Variants in SLIT3 observed in about 807,000 individuals in gnomAD.
SLIT3 encodes the protein slit guidance ligand 3.
Under a neutral mutation model 184.0 loss-of-function variants are expected in SLIT3, and 68 were observed. The ratio of observed to expected loss-of-function variants is 0.37; its 90% confidence interval spans 0.30 to 0.45. The LOEUF (loss-of-function observed/expected upper bound fraction) is 0.45, where lower values mean the gene tolerates loss of function less well. Among genes scored for constraint, SLIT3 ranks in the 20% least tolerant of loss-of-function variants. The pLI is 1.00. For synonymous variants in SLIT3, 831 were observed against 828.6 expected (o/e 1.00, Z -0.05); for missense variants, 1,707 against 2,026.0 (o/e 0.84, Z 3.02).
chr5:169,121,586 G>A (rs991110737), intron 4 of SLIT3, among the ~76,000 whole-genome samples: 2 of 152,148 alleles, frequency 1.3e-5, no homozygotes, highest in African/African-American at 2.4e-5. Flanking sequence ...TCTGTATTTA[G>A]TTTTGGAAGC....
chr5:168,929,647 G>A (rs897205234), intron 4 of SLIT3, among the ~76,000 whole-genome samples: 2 of 152,232 alleles, frequency 1.3e-5, no homozygotes, highest in Admixed American at 1.3e-4. Context: ...AGGGATAGCT[G>A]TCTCTGTTGA....
intron 4 of SLIT3, among the ~76,000 whole-genome samples, chr5:169,132,566 T>C (rs947744503): frequency 1.3e-5 from 2 of 152,220 alleles, no homozygotes; most frequent in Admixed American, 6.5e-5. Context: ...GTTTGCAGTT[T>C]CAGTAGATCT....
intron 4 of SLIT3, among the ~76,000 whole-genome samples, chr5:168,976,142 T>C (rs1050639509): frequency 6.6e-6 from 1 of 152,190 alleles, no homozygotes; most frequent in Admixed American, 6.5e-5. Context: ...AGCACTCTTA[T>C]GAGGTAGGTG....
Position 168,664,216 on chromosome 5 carries a change from A to G in SLIT3, c.*2238T>C, listed in dbSNP as rs772588523. ...AGTACTAAATAAATCTGCTATTATA[A>G]TAATGTTTGAAACAGGCTGAGCATA... On this transcript the variant is annotated 3_prime_UTR_variant, in exon 36 of 36. Transcript: ENST00000519560. The G allele has an allele frequency of 1.2e-4, 18 of 152,180 alleles. No individual in the cohort carries two copies. The highest frequency in any genetic ancestry group is 2.2e-4 in the Non-Finnish European group (15 of 68,018). The allele number at this position is 152,180 out of a possible 1,614,324, so 9.4% of individuals were successfully genotyped here. A position where few individuals can be genotyped will look rare whatever the true frequency, so the allele number is the denominator to read the frequency against.
chr5:168,856,557 A>G lies in SLIT3; in HGVS notation c.486-11902T>C, dbSNP rs573211087. Among the ~76,000 whole-genome samples, 84 of 152,090 alleles carry G rather than the reference A, an allele frequency of 5.5e-4. 1 individual carries two copies. Among genetic ancestry groups the G allele is most frequent in the Admixed American group, 3.9e-3 (60 of 15,278 alleles). ...CCCAATCACTCAAGATTCAGGGGGG[A>G]AAATGTCAGTTTAGGCAAAGAGAAT... On this transcript the variant is annotated intron_variant, in intron 5 of 35. Transcript: ENST00000519560.
rs181873943 is a variant in SLIT3, at chr5:168,731,655, C to T, written c.2271-7171G>A. Among the ~76,000 whole-genome samples, 211 of 152,064 alleles carry T rather than the reference C, an allele frequency of 1.4e-3. 1 individual carries two copies. Among genetic ancestry groups the T allele is most frequent in the Non-Finnish European group, 1.6e-3 (107 of 67,894 alleles). On this transcript the variant is annotated intron_variant, in intron 20 of 35. Transcript: ENST00000519560. Reference sequence around the variant, plus strand: ...AGGAATGAAAGGATGCTTCAATATACGCAAATCAATAAATGTGCATCACAT... The same window carrying T: ...AGGAATGAAAGGATGCTTCAATATATGCAAATCAATAAATGTGCATCACAT...
chr5:168,685,278 T>TTA (rs1461234722), intron 31 of SLIT3, among the ~76,000 whole-genome samples: 1 of 152,248 alleles, frequency 6.6e-6, no homozygotes, highest in East Asian at 1.9e-4. Flanking sequence ...CTCGAGGTGA[T>TTA]TCTAAAGTAT....
chr5:169,169,042 G>T (rs543926810), intron 4 of SLIT3, among the ~76,000 whole-genome samples: 1 of 152,140 alleles, frequency 6.6e-6, no homozygotes, highest in Non-Finnish European at 1.5e-5. Flanking sequence ...CAGAGTGGGG[G>T]GGGGATCACC....
intron 20 of SLIT3, among the ~76,000 whole-genome samples, chr5:168,739,844 T>C (rs538071660): frequency 2.0e-5 from 3 of 152,308 alleles, no homozygotes; most frequent in African/African-American, 7.2e-5. Context: ...GATATGAAAA[T>C]TGAGCTGTCT....
intron 31 of SLIT3, among the ~76,000 whole-genome samples, 163 bp downstream of exon 31, chr5:168,685,524 A>T (rs1436768050): frequency 2.0e-5 from 3 of 152,238 alleles, no homozygotes; most frequent in African/African-American, 7.2e-5. Flanking sequence ...GTCAGGAGTT[A>T]TCTATAGAAC....
At chr5:169,143,246 C>T (rs867514090) in intron 4 of SLIT3, among the ~76,000 whole-genome samples, 17 of 152,166 alleles carry the variant, frequency 1.1e-4, no homozygotes, top group African/African-American at 4.1e-4. Context: ...ATTGTTGTTA[C>T]TATTTATTCT....
At chr5:169,271,157 C>T (rs567179371) in intron 1 of SLIT3, among the ~76,000 whole-genome samples, 76 of 152,210 alleles carry the variant, frequency 5.0e-4, no homozygotes, top group Middle Eastern at 6.8e-3. Flanking sequence ...CTCATAGTTT[C>T]GAGGAAAGGC....
Position 168,798,223 on chromosome 5 carries a change from C to CTTT in SLIT3, c.936-2648_936-2646dup, listed in dbSNP as rs747746239. Among the ~76,000 whole-genome samples, 51 of 109,022 alleles carry CTTT rather than the reference C, an allele frequency of 4.7e-4. 1 individual carries two copies. Among genetic ancestry groups the CTTT allele is most frequent in the East Asian group, 1.9e-3 (7 of 3,768 alleles). The allele number at this position is 109,022 out of a possible 152,430, so 71.5% of individuals were successfully genotyped here. On this transcript the variant is annotated intron_variant, in intron 9 of 35. Transcript: ENST00000519560. ...TTGGTTTTCTTTTCTTCTTCTTCTT[C>CTTT]TTTTTTTTTTTTTTTTAAGAGACAG...
At chr5:168,679,319 G>A (rs967623201) in intron 32 of SLIT3, among the ~76,000 whole-genome samples, 10 of 152,142 alleles carry the variant, frequency 6.6e-5, no homozygotes, top group Admixed American at 2.0e-4. Flanking sequence ...TGGCTTCCAA[G>A]AATGCTGGAG....
At chr5:168,822,501 T>C (rs946480840) in intron 7 of SLIT3, among the ~76,000 whole-genome samples, 1 of 152,052 alleles carries the variant, frequency 6.6e-6, no homozygotes, top group Non-Finnish European at 1.5e-5. Context: ...AAGCCAAGTA[T>C]CAAGTCTGAA....
At chr5:169,019,961 T>G (rs1413793803) in intron 4 of SLIT3, among the ~76,000 whole-genome samples, 1 of 152,224 alleles carries the variant, frequency 6.6e-6, no homozygotes, top group Non-Finnish European at 1.5e-5. Context: ...GTGTTTTCCC[T>G]GGGCTACAAC....
At chr5:169,058,818 C>T (rs1758090406) in intron 4 of SLIT3, among the ~76,000 whole-genome samples, 1 of 152,176 alleles carries the variant, frequency 6.6e-6, no homozygotes, top group African/African-American at 2.4e-5. Flanking sequence ...AGGCTGAGAT[C>T]AGAAGAAAGA....
At chr5:168,947,528 G>T (rs900004776) in intron 4 of SLIT3, among the ~76,000 whole-genome samples, 1 of 152,230 alleles carries the variant, frequency 6.6e-6, no homozygotes, top group African/African-American at 2.4e-5. Flanking sequence ...GGCTGGGGTG[G>T]TGGGCCTTGA....
chr5:168,670,773 A>G (rs1417598822), intron 34 of SLIT3, among the ~76,000 whole-genome samples: 1 of 152,208 alleles, frequency 6.6e-6, no homozygotes, highest in Non-Finnish European at 1.5e-5. Flanking sequence ...GAGGCCTGGC[A>G]CGTAGTAGGA....
Sources: gnomAD v4.1 joint callset for allele counts (sites outside exome capture counted in the v4.1 genomes callset) on GRCh38, gnomAD v4.1.1 for gene constraint, MANE v1.5 for transcripts, NCBI Gene and HGNC (gene_info 2026-07-23, HGNC 2026-07-21) for gene names.